DCC: variants seen among roughly 807,000 people sequenced by gnomAD.
DCC encodes netrin receptor DCC.
A neutral mutation model predicts 172.5 loss-of-function variants in DCC; 58 were observed. The observed-to-expected ratio is 0.34, with a 90% confidence interval of 0.27 to 0.42. DCC has a LOEUF of 0.42. DCC is among the 10% of genes least tolerant of loss of function. The pLI, the probability that DCC is intolerant of heterozygous loss-of-function variation, is 1.00. For synonymous variants in DCC, 709 were observed against 644.5 expected (o/e 1.10, Z -1.52); for missense variants, 1,740 against 1,791.0 (o/e 0.97, Z 0.51).
intron 3 of DCC, among the ~76,000 whole-genome samples, chr18:52,907,627 G>T (rs562514524): frequency 1.3e-5 from 2 of 152,140 alleles, no homozygotes; most frequent in Non-Finnish European, 2.9e-5. Context: ...TATTGCCCAG[G>T]CTGGTCTCAA....
chr18:53,135,402 G>A (rs2043725409), intron 7 of DCC, among the ~76,000 whole-genome samples: 1 of 152,056 alleles, frequency 6.6e-6, no homozygotes, highest in Non-Finnish European at 1.5e-5. Flanking sequence ...GGGAAAGAAT[G>A]CCAGCAAAAA....
intron 12 of DCC, among the ~76,000 whole-genome samples, chr18:53,268,478 A>AGGG (rs2056708419): frequency 6.6e-6 from 1 of 152,204 alleles, no homozygotes; most frequent in Non-Finnish European, 1.5e-5. Context: ...CACCCAGAGA[A>AGGG]ATGTTAAGAT....
intron 2 of DCC, among the ~76,000 whole-genome samples, chr18:52,886,527 AC>A (rs2039572125): frequency 6.6e-6 from 1 of 152,274 alleles, no homozygotes; most frequent in South Asian, 2.1e-4. Context: ...ATCTTGCATT[AC>A]CTGGCAGGCT....
In DCC at chr18:53,005,772, T is replaced by A. The variant is rs763118797; in HGVS notation, c.986-57533T>A. Among the ~76,000 whole-genome samples, 3 of 152,328 alleles carry A rather than the reference T, an allele frequency of 2.0e-5. No individual in the cohort carries two copies. In the East Asian group the frequency reaches 5.8e-4, roughly 29 times the overall value. ...AAGAATCTTTACTTAATGTGTGTTA[T>A]AATTGTTTGTTGGTTATTTTTCATC... On this transcript the variant is annotated intron_variant, in intron 5 of 28. Coordinates refer to ENST00000442544, the MANE Select transcript of DCC (RefSeq NM_005215.4).
chr18:52,666,021 G>A (rs1167798514), intron 1 of DCC, among the ~76,000 whole-genome samples: 4 of 152,122 alleles, frequency 2.6e-5, no homozygotes, highest in Non-Finnish European at 5.9e-5. Context: ...AATTCGGCCG[G>A]GTGCCGTGAC....
chr18:52,830,403 T>A (rs2038591990), intron 2 of DCC, among the ~76,000 whole-genome samples: 1 of 152,186 alleles, frequency 6.6e-6, no homozygotes, highest in Non-Finnish European at 1.5e-5. Flanking sequence ...CTGGAAAGTC[T>A]TGTCAACTAT....
chr18:52,449,359 T>G (rs1988228676), intron 1 of DCC, among the ~76,000 whole-genome samples: 1 of 152,168 alleles, frequency 6.6e-6, no homozygotes, highest in African/African-American at 2.4e-5. Context: ...AAAAATACAC[T>G]TATAGACAAG....
chr18:52,922,207 C>A (rs2040137307), intron 3 of DCC, among the ~76,000 whole-genome samples: 2 of 152,086 alleles, frequency 1.3e-5, no homozygotes, highest in Admixed American at 1.3e-4. Flanking sequence ...GTTGCTGGAA[C>A]AACCAGAAGC....
At chr18:53,409,384 G>A (rs1449956793) in intron 19 of DCC, among the ~76,000 whole-genome samples, 3 of 152,078 alleles carry the variant, frequency 2.0e-5, no homozygotes, top group African/African-American at 7.2e-5. Flanking sequence ...TTAAGAAAAC[G>A]ACTTACAAAG....
At chr18:53,475,634 T>C (rs1180531024) in intron 25 of DCC, among the ~76,000 whole-genome samples, 1 of 152,116 alleles carries the variant, frequency 6.6e-6, no homozygotes, top group Non-Finnish European at 1.5e-5. Context: ...TCAGAGGATA[T>C]ATGGAAATGC....
intron 1 of DCC, among the ~76,000 whole-genome samples, chr18:52,666,782 A>G (rs932719186): frequency 1.3e-5 from 2 of 152,220 alleles, no homozygotes; most frequent in African/African-American, 4.8e-5. Context: ...ACTACCTTTG[A>G]AGAGGATCTA....
At chr18:52,703,203 A>G (rs1361366920) in intron 1 of DCC, among the ~76,000 whole-genome samples, 4 of 152,316 alleles carry the variant, frequency 2.6e-5, no homozygotes, top group East Asian at 1.9e-4. Context: ...TGGATTTTAC[A>G]TATGACACTC....
chr18:52,889,845 A>G (rs112209563), intron 2 of DCC, among the ~76,000 whole-genome samples: 1,668 of 152,246 alleles, frequency 0.011, 23 homozygotes, highest in African/African-American at 0.036. Context: ...GAAGCAGAAT[A>G]TTTTAGAGTT....
intron 2 of DCC, among the ~76,000 whole-genome samples, chr18:52,898,991 T>G (rs2145434580): frequency 6.6e-6 from 1 of 152,278 alleles, no homozygotes; most frequent in South Asian, 2.1e-4. Flanking sequence ...ATTGAACTGT[T>G]TGTGGCTTAG....
chr18:53,249,625 A>T (rs1304766362), intron 12 of DCC, among the ~76,000 whole-genome samples: 1 of 152,000 alleles, frequency 6.6e-6, no homozygotes, highest in East Asian at 1.9e-4. Context: ...TAAGACAAAA[A>T]TAAACAGTGA....
chr18:53,101,103 T>C (rs2043166318), intron 7 of DCC, among the ~76,000 whole-genome samples: 1 of 152,106 alleles, frequency 6.6e-6, no homozygotes, highest in South Asian at 2.1e-4. Flanking sequence ...ACATGTGAGA[T>C]ATAGCATAAC....
intron 2 of DCC, among the ~76,000 whole-genome samples, chr18:52,866,288 A>C (rs1389248853): frequency 6.6e-6 from 1 of 152,176 alleles, no homozygotes; most frequent in African/African-American, 2.4e-5. Flanking sequence ...TGTTTTGGTT[A>C]CTGTAGCCTT....
At position 53,382,069 on chromosome 18, in the gene DCC, AACACACAC is replaced by A. The variant is rs61553123; in HGVS notation, c.2360-3945_2360-3938del. On this transcript the variant is annotated intron_variant, in intron 15 of 28. Transcript: ENST00000442544. ...TTTCTCTCTCTCTCTGATTAAAAAC[AACACACAC>A]ACACACACACACACACACACACACA... Among the ~76,000 whole-genome samples the A allele has an allele frequency of 3.8e-3, 472 of 122,946 alleles. 5 individuals are homozygous for A. Among genetic ancestry groups the A allele is most frequent in the Admixed American group, 0.024 (303 of 12,856 alleles). The allele number at this position is 122,946 out of a possible 152,430, so 80.7% of individuals were successfully genotyped here.
chr18:53,177,576 C>A (rs1051447112), intron 8 of DCC, among the ~76,000 whole-genome samples: 1 of 152,130 alleles, frequency 6.6e-6, no homozygotes, highest in Non-Finnish European at 1.5e-5. Context: ...AGAATTATTA[C>A]AAATGTTGAT....
Sources: allele counts gnomAD v4.1 joint callset (sites outside exome capture counted in the v4.1 genomes callset), GRCh38; gene constraint gnomAD v4.1.1; transcripts MANE v1.5; gene names NCBI Gene and HGNC (gene_info 2026-07-23, HGNC 2026-07-21).